Variants in KDR observed in about 807,000 individuals in gnomAD.
The protein encoded by KDR is vascular endothelial growth factor receptor 2.
Under a neutral mutation model 160.9 loss-of-function variants are expected in KDR, and 43 were observed. That is an observed-to-expected ratio of 0.27 (90% CI 0.21 to 0.34). The LOEUF is 0.34. Ranked by LOEUF, KDR falls within the 10% of genes least tolerant of loss-of-function variation. KDR has a pLI of 1.00. For synonymous variants in KDR, 617 were observed against 600.1 expected, an observed-to-expected ratio of 1.03 and a Z score of -0.41; for missense variants, 1,469 against 1,666.4, an observed-to-expected ratio of 0.88 and a Z score of 2.06.
In KDR at chr4:55,114,168, T is replaced by C; in HGVS notation, c.756A>G (p.Leu252=). 5.6e-6 allele frequency: 9 copies of C among 1,614,044 alleles called. No individual in the cohort carries two copies. The highest frequency in any genetic ancestry group is 7.6e-6 in the Non-Finnish European group (9 of 1,179,908). ...LVLNCTARTE[L]NVGIDFNWEY... Reference sequence around the variant, plus strand: ...CCCAGTTGAAGTCAATCCCCACATTTAGTTCAGTTCTTGCTGTACAATTTA... The same window carrying C: ...CCCAGTTGAAGTCAATCCCCACATTCAGTTCAGTTCTTGCTGTACAATTTA... The change falls in exon 6 of 30, where the codon CTA becomes CTG. Residue 252 remains leucine (L), a synonymous_variant. Coordinates refer to ENST00000263923, the MANE Select transcript of KDR (RefSeq NM_002253.4).
chr4:55,089,304 G>C, intron 25 of KDR, 70 bp downstream of exon 25: 2 of 1,130,584 alleles, frequency 1.8e-6, no homozygotes, highest in South Asian at 2.5e-5. Flanking sequence ...CTATATAATG[G>C]AAAGTCTTCC....
intron 21 of KDR, 63 bp downstream of exon 21, chr4:55,094,739 C>G (rs1413759482): frequency 4.8e-6 from 7 of 1,468,954 alleles, no homozygotes; most frequent in Non-Finnish European, 6.7e-6. Flanking sequence ...CCTTGTAACA[C>G]CCTATCACCC....
intron 27 of KDR, among the ~76,000 whole-genome samples, chr4:55,086,351 A>G (rs1719861839): frequency 6.6e-6 from 1 of 152,164 alleles, no homozygotes; most frequent in Non-Finnish European, 1.5e-5. Context: ...CATTTCACAG[A>G]TAAAGAAACT....
At chr4:55,110,817 T>C in intron 7 of KDR, 49 bp from the exon 8 acceptor site, 1 of 1,435,452 alleles carries the variant, frequency 7.0e-7, no homozygotes, top group Non-Finnish European at 9.7e-7. Context: ...TAAATGGTCA[T>C]TTGATTTAGT....
Position 55,114,905 on chromosome 4 carries a change from GTAA to G in KDR, c.624_626del (p.Tyr209del). On this transcript the variant is annotated inframe_deletion, in exon 5 of 30. Coordinates refer to ENST00000263923, the MANE Select transcript of KDR (RefSeq NM_002253.4). ...CGACAACTATGTACATAATAGACTG[GTAA>G]CTTTCATCATTAATTTTTGCTTCAC... is the stretch of plus-strand genomic sequence containing the variant. 6.2e-7 allele frequency: 1 copy of G among 1,613,754 alleles called. No homozygotes were observed. The highest frequency in any genetic ancestry group is 8.5e-7 in the Non-Finnish European group (1 of 1,179,750).
intron 15 of KDR, among the ~76,000 whole-genome samples, chr4:55,101,254 T>G (rs1316502216): frequency 6.6e-6 from 1 of 152,182 alleles, no homozygotes; most frequent in Non-Finnish European, 1.5e-5. Context: ...CTATTCATCC[T>G]GCCTGATTAA....
intron 15 of KDR, among the ~76,000 whole-genome samples, chr4:55,101,312 C>G (rs1185452791): frequency 1.3e-5 from 2 of 152,126 alleles, no homozygotes; most frequent in African/African-American, 4.8e-5. Flanking sequence ...GTGATGCAAG[C>G]AGAATTATAA....
At position 55,114,920 on chromosome 4, in the gene KDR, A is replaced by G. The variant is rs369722306; in HGVS notation, c.612T>C (p.Ile204=). 8.1e-6 allele frequency: 13 copies of G among 1,613,852 alleles called. No homozygotes were observed. Among genetic ancestry groups the G allele is most frequent in the African/African-American group, 1.3e-5 (1 of 74,936 alleles). ...TAATAGACTGGTAACTTTCATCATT[A>G]ATTTTTGCTTCACAGAAGACCATGC... ...YAGMVFCEAK[I]NDESYQSIMY... is the part of the protein sequence containing the mutation. Residue 204 remains isoleucine, a synonymous_variant, in exon 5 of 30, where the codon ATT becomes ATC. Coordinates refer to ENST00000263923, the MANE Select transcript of KDR (RefSeq NM_002253.4).
At chr4:55,099,055 T>C (rs1720242231) in intron 15 of KDR, among the ~76,000 whole-genome samples, 1 of 151,710 alleles carries the variant, frequency 6.6e-6, no homozygotes, top group Non-Finnish European at 1.5e-5. Context: ...TCTTTCTATG[T>C]TCCAGGCTGG....
intron 22 of KDR, among the ~76,000 whole-genome samples, chr4:55,090,569 A>G (rs567656601): frequency 4.9e-4 from 74 of 152,308 alleles, no homozygotes; most frequent in African/African-American, 1.7e-3. Context: ...ACAATTCCCA[A>G]TGTGGCTTCC....
intron 1 of KDR, among the ~76,000 whole-genome samples, chr4:55,121,561 AG>A (rs1720876669): frequency 6.6e-6 from 1 of 152,254 alleles, no homozygotes; most frequent in South Asian, 2.1e-4. Flanking sequence ...TATAGAACAT[AG>A]GATGTACACA....
chr4:55,120,155 T>C (rs1578140913), intron 2 of KDR, among the ~76,000 whole-genome samples: 1 of 152,190 alleles, frequency 6.6e-6, no homozygotes, highest in African/African-American at 2.4e-5. Flanking sequence ...GGGGCTAGGG[T>C]ATTCTTTATA....
At chr4:55,096,517 ATTTGAAATAAAATTCATAT>A (rs1720161249) in intron 18 of KDR, 175 bp from the exon 19 acceptor site, 1 of 590,190 alleles carries the variant, frequency 1.7e-6, no homozygotes, top group African/African-American at 1.9e-5. Flanking sequence ...CTATTTTCTA[ATTTGAAATAAAATTCATAT>A]TTTAAGTGAG....
chr4:55,124,787 G>C (rs73236104), intron 1 of KDR, among the ~76,000 whole-genome samples: 30,074 of 152,096 alleles, frequency 0.2, 3,354 homozygotes, highest in Middle Eastern at 0.27. Context: ...CGTCCGATCC[G>C]GGAGACCCGG....
At position 55,125,553 on chromosome 4, in the gene KDR, G is replaced by A. The variant is rs866984950; in HGVS notation, c.-260C>T. 6.0e-5 allele frequency: 36 copies of A among 597,446 alleles called. No individual in the cohort carries two copies. The African/African-American group carries it at 6.3e-4, about 10-fold the overall frequency. The allele number at this position is 597,446 out of a possible 1,614,324, so 37.0% of individuals were successfully genotyped here. A position where few individuals can be genotyped will look rare whatever the true frequency, so the allele number is the denominator to read the frequency against. On this transcript the variant is annotated 5_prime_UTR_variant, in exon 1 of 30. Transcript: ENST00000263923. ...GCCCGGCGCAGGCAGAGGAAACGCA[G>A]CGACCACACATTGACCGCTCTCCCG... is the stretch of plus-strand genomic sequence containing the variant.
chr4:55,102,210 C>A (rs942442661), intron 14 of KDR, 152 bp downstream of exon 14: 2 of 1,230,288 alleles, frequency 1.6e-6, no homozygotes, highest in Non-Finnish European at 1.2e-6. Context: ...TCAACAGGGC[C>A]CCATACTCCA....
intron 1 of KDR, among the ~76,000 whole-genome samples, chr4:55,123,645 T>C (rs985926042): frequency 1.2e-4 from 19 of 152,250 alleles, no homozygotes; most frequent in Non-Finnish European, 2.4e-4. Context: ...TTCGTTTTCA[T>C]TGGCAAGCTT....
At chr4:55,081,356 A>G (rs1719732267) in intron 29 of KDR, among the ~76,000 whole-genome samples, 1 of 151,728 alleles carries the variant, frequency 6.6e-6, no homozygotes, top group African/African-American at 2.4e-5. Context: ...TTATTCTATT[A>G]TTCTTATAAA....
intron 3 of KDR, among the ~76,000 whole-genome samples, chr4:55,117,416 C>T (rs1720762403): frequency 6.6e-6 from 1 of 152,182 alleles, no homozygotes; most frequent in South Asian, 2.1e-4. Context: ...AGAAATTCTC[C>T]AAGATGTGAG....
Sources: allele counts gnomAD v4.1 joint callset (sites outside exome capture counted in the v4.1 genomes callset), GRCh38; gene constraint gnomAD v4.1.1; transcripts MANE v1.5; gene names NCBI Gene and HGNC (gene_info 2026-07-23, HGNC 2026-07-21).